Variants in MGST1 observed in about 807,000 individuals in gnomAD.
The protein encoded by MGST1 is microsomal glutathione S-transferase 1, also known as glutathione S-transferase 12.
Under a neutral mutation model 8.9 loss-of-function variants are expected in MGST1, and 5 were observed. That is an observed-to-expected ratio of 0.56 (90% confidence interval 0.29 to 1.19). MGST1 has a LOEUF of 1.19. MGST1 is among the 50% of genes most tolerant of loss of function. The pLI, the probability that MGST1 is intolerant of heterozygous loss-of-function variation, is 0.08. For synonymous variants in MGST1, 54 were observed against 67.8 expected (o/e 0.80, Z 1.00); for missense variants, 182 against 187.4 (o/e 0.97, Z 0.17).
intron 4 of MGST1, among the ~76,000 whole-genome samples, chr12:16,533,631 T>G (rs1298745913): frequency 6.6e-6 from 1 of 152,094 alleles, no homozygotes; most frequent in African/African-American, 2.4e-5. Context: ...TCCAACTGAT[T>G]GATTGATTAA....
At chr12:16,394,015 T>C (rs571258705) in intron 1 of MGST1, among the ~76,000 whole-genome samples, 2 of 152,328 alleles carry the variant, frequency 1.3e-5, no homozygotes, top group South Asian at 2.1e-4. Flanking sequence ...TAACATAAAA[T>C]CTATTCTCTG....
intron 4 of MGST1, among the ~76,000 whole-genome samples, chr12:16,473,032 G>A (rs1420012023): frequency 1.3e-5 from 2 of 152,152 alleles, no homozygotes; most frequent in East Asian, 1.9e-4. Context: ...CCTTTTAGAT[G>A]TAGCATACCT....
chr12:16,451,020 T>C (rs1941124889), intron 4 of MGST1, among the ~76,000 whole-genome samples: 1 of 151,980 alleles, frequency 6.6e-6, no homozygotes, highest in Non-Finnish European at 1.5e-5. Context: ...TTTAGGAATT[T>C]TCTCTTTTAG....
At chr12:16,450,682 G>T (rs1423011629) in intron 4 of MGST1, among the ~76,000 whole-genome samples, 2 of 151,876 alleles carry the variant, frequency 1.3e-5, no homozygotes, top group African/African-American at 4.8e-5. Context: ...CTTTCAAAGG[G>T]GCACCCCTAT....
intron 4 of MGST1, among the ~76,000 whole-genome samples, chr12:16,588,554 T>C (rs1264483776): frequency 6.6e-6 from 1 of 152,060 alleles, no homozygotes; most frequent in Non-Finnish European, 1.5e-5. Context: ...ATCACCTCAG[T>C]TACAAAGGAA....
chr12:16,453,991 A>T (rs1591733482), intron 4 of MGST1, among the ~76,000 whole-genome samples: 4 of 151,976 alleles, frequency 2.6e-5, no homozygotes, highest in African/African-American at 9.7e-5. Flanking sequence ...AACACAAGAC[A>T]TAAGGTTAAC....
chr12:16,442,509 GT>G (rs893669499), downstream of MGST1, among the ~76,000 whole-genome samples: 3 of 151,696 alleles, frequency 2.0e-5, no homozygotes, highest in Non-Finnish European at 2.9e-5. The surrounding 1 kb of genome is among the most constrained non-coding windows in gnomAD (Gnocchi z 4.5). Flanking sequence ...TAAGGTCTTT[GT>G]TTTTATTTAT....
chr12:16,403,880 C>A (rs1376638563), intron 1 of MGST1, among the ~76,000 whole-genome samples: 1 of 152,004 alleles, frequency 6.6e-6, no homozygotes, highest in East Asian at 1.9e-4. Flanking sequence ...GGAAAACCAC[C>A]CCCATGATTC....
At position 16,401,329 on chromosome 12, in the gene MGST1, C is replaced by G. The variant is rs1940654113; in HGVS notation, n.778+17725C>G. ...TGTCTTCAGTTTGTATTGATTTTTA[C>G]TATTGATTACTAGGAAGCTTTCATG... On this transcript the variant is annotated intron_variant and non_coding_transcript_variant, in intron 1 of 1. Transcript: ENST00000359720. The surrounding 1 kb of genome is among the most constrained non-coding windows in gnomAD (Gnocchi z 4.3). 6.6e-6 allele frequency: 9 copies of G among 1,354,340 alleles called. No individual in the cohort carries two copies. In the South Asian group the frequency reaches 1.0e-4, roughly 16 times the overall value. 83.9% of individuals were successfully genotyped at this position (1,354,340 alleles called of 1,614,324 possible). A position where few individuals can be genotyped will look rare whatever the true frequency, so the allele number is the denominator to read the frequency against.
At chr12:16,478,503 A>G (rs528336972) in intron 4 of MGST1, among the ~76,000 whole-genome samples, 1 of 152,146 alleles carries the variant, frequency 6.6e-6, no homozygotes, top group East Asian at 1.9e-4. Context: ...TTCCAAACCT[A>G]TGTGATTCTT....
chr12:16,412,675 G>A (rs142437993), intron 1 of MGST1, among the ~76,000 whole-genome samples: 82 of 152,206 alleles, frequency 5.4e-4, no homozygotes, highest in African/African-American at 1.9e-3. Context: ...AATCTCATGA[G>A]ATCCGATGGT....
chr12:16,480,077 A>G (rs966038000), intron 4 of MGST1, among the ~76,000 whole-genome samples: 2 of 152,336 alleles, frequency 1.3e-5, no homozygotes, highest in African/African-American at 4.8e-5. Context: ...ATAATACACA[A>G]AAAGCACAAA....
At chr12:16,592,812 A>G (rs1943534726), downstream of MGST1, among the ~76,000 whole-genome samples, 7 of 151,930 alleles carry the variant, frequency 4.6e-5, no homozygotes, top group Admixed American at 4.6e-4. Flanking sequence ...AAAAACATTA[A>G]AAATAATTAC....
downstream of MGST1, among the ~76,000 whole-genome samples, chr12:16,440,334 A>G (rs1941028776): frequency 2.0e-5 from 3 of 151,770 alleles, 1 homozygote; most frequent in Admixed American, 2.0e-4. Flanking sequence ...TGGATACTCC[A>G]TGTGACAGCC....
chr12:16,568,331 C>T (rs577575882), intron 4 of MGST1, among the ~76,000 whole-genome samples: 7 of 152,310 alleles, frequency 4.6e-5, no homozygotes, highest in South Asian at 2.1e-4. Context: ...ACTTGAGATA[C>T]TCAGAGAAAC....
chr12:16,531,031 G>GGTGC (rs1941719352), intron 4 of MGST1, among the ~76,000 whole-genome samples: 1 of 151,908 alleles, frequency 6.6e-6, no homozygotes, highest in Admixed American at 6.6e-5. Flanking sequence ...AGTAATGTCT[G>GGTGC]ATGGTGCTTG....
chr12:16,448,424 G>T (rs1355160977), intron 4 of MGST1, among the ~76,000 whole-genome samples: 1 of 151,652 alleles, frequency 6.6e-6, no homozygotes, highest in South Asian at 2.1e-4. Flanking sequence ...CATCAGCTAA[G>T]CAAGGGCAGG....
chr12:16,571,290 T>C (rs182134618), intron 4 of MGST1, among the ~76,000 whole-genome samples: 1 of 152,226 alleles, frequency 6.6e-6, no homozygotes, highest in East Asian at 1.9e-4. Flanking sequence ...TATTTTATTG[T>C]ACTGAATTTC....
rs1940010360 is a variant in MGST1 at position 16,361,840 on chromosome 12, A to G, written c.222-1955A>G. 6.6e-6 allele frequency among the ~76,000 whole-genome samples: 1 copy of G among 152,222 alleles called. No homozygotes were observed. The highest frequency in any genetic ancestry group is 1.5e-5 in the Non-Finnish European group (1 of 68,036). On this transcript the variant is annotated intron_variant, in intron 3 of 3. Transcript: ENST00000396210. The surrounding 1 kb of genome is among the most constrained non-coding windows in gnomAD (Gnocchi z 4.2). ...GAACTCAAAAGGGAGAATAAGATAAAGAGAAAATGAGGCTAGAAAAACATG... is the reference window on the plus strand; with the variant it reads ...GAACTCAAAAGGGAGAATAAGATAAGGAGAAAATGAGGCTAGAAAAACATG...
Sources: allele counts gnomAD v4.1 joint callset (sites outside exome capture counted in the v4.1 genomes callset), GRCh38; gene constraint gnomAD v4.1.1; non-coding constraint Gnocchi (gnomAD v3.1); transcripts MANE v1.5; gene names NCBI Gene and HGNC (gene_info 2026-07-23, HGNC 2026-07-21).